The following TNPO3 variants were observed in gnomAD, a reference collection of about 807,000 sequenced individuals.
TNPO3 encodes transportin-3.
A neutral mutation model predicts 122.8 loss-of-function variants in TNPO3; 65 were observed. The ratio of observed to expected loss-of-function variants is 0.53; its 90% CI spans 0.43 to 0.65. TNPO3 has a LOEUF of 0.65. TNPO3 is among the 30% of genes least tolerant of loss of function. TNPO3 has a pLI of 0.00. For missense variants in TNPO3, 850 were observed against 1,136.7 expected (o/e 0.75, Z 3.63); for synonymous variants, 372 against 411.2 (o/e 0.90, Z 1.15).
At chr7:128,967,567 G>A (rs1434323294) in intron 20 of TNPO3, among the ~76,000 whole-genome samples, 175 bp from the exon 21 acceptor site, 1 of 152,230 alleles carries the variant, frequency 6.6e-6, no homozygotes, top group Admixed American at 6.5e-5. Flanking sequence ...AACCCTCTGG[G>A]TTGATGCAGT....
chr7:128,983,632 A>G (rs982754964), intron 13 of TNPO3, among the ~76,000 whole-genome samples: 2 of 152,328 alleles, frequency 1.3e-5, no homozygotes, highest in Middle Eastern at 3.4e-3. Flanking sequence ...TAGCAACCTT[A>G]ACTTAAACAT....
intron 1 of TNPO3, among the ~76,000 whole-genome samples, chr7:129,037,129 T>C (rs1250510522): frequency 6.6e-6 from 1 of 152,210 alleles, no homozygotes; most frequent in Non-Finnish European, 1.5e-5. Flanking sequence ...TTAACACTGA[T>C]TATATAAAGC....
At chr7:129,040,599 C>G (rs545727104) in intron 1 of TNPO3, among the ~76,000 whole-genome samples, 72 of 151,834 alleles carry the variant, frequency 4.7e-4, no homozygotes, top group African/African-American at 1.7e-3. Context: ...AATTACCTCT[C>G]GTTAAAAAAA....
At chr7:128,982,826 T>A (rs1799763358) in intron 13 of TNPO3, among the ~76,000 whole-genome samples, 1 of 152,224 alleles carries the variant, frequency 6.6e-6, no homozygotes, top group Non-Finnish European at 1.5e-5. Context: ...ACAGAATTAT[T>A]TTATCAAGTT....
Position 128,972,467 on chromosome 7 carries a change from T to C in TNPO3, c.2389A>G (p.Arg797Gly). Residue 797 changes from arginine to glycine, a missense_variant, in exon 19 of 23, where the codon AGG becomes GGG. Transcript: ENST00000265388. ...DHRDANCSVM[R>G]FLRDLIHTGV... ...GTATGAATGAGGTCTCGTAGAAACC[T>C]CATGACACTACAATTGGCATCCCGG... 6.2e-7 allele frequency: 1 copy of C among 1,614,142 alleles called. No individual in the cohort carries two copies. Among genetic ancestry groups the C allele is most frequent in the Non-Finnish European group, 8.5e-7 (1 of 1,180,006 alleles).
intron 4 of TNPO3, among the ~76,000 whole-genome samples, chr7:129,008,735 T>G (rs1403215033): frequency 2.0e-5 from 3 of 152,146 alleles, no homozygotes; most frequent in African/African-American, 7.2e-5. Context: ...TGATACTCAT[T>G]CTCTCTCCCC....
chr7:128,974,861 G>GATTT lies in TNPO3; in HGVS notation c.2273+3_2273+6dup, dbSNP rs756128132. ...AATTAAGAAATGGGCTCTTCAGAAG[G>GATTT]ATTTACCTGGTGGCTAGCCGGAACA... On this transcript the variant is annotated splice_region_variant and intron_variant, in intron 18 of 22. Transcript: ENST00000265388. 6.2e-7 allele frequency: 1 copy of GATTT among 1,611,582 alleles called. No individual in the cohort carries two copies. Among genetic ancestry groups the GATTT allele is most frequent in the East Asian group, 2.2e-5 (1 of 44,876 alleles).
chr7:128,996,761 A>G (rs1483288729), intron 8 of TNPO3, among the ~76,000 whole-genome samples: 1 of 151,400 alleles, frequency 6.6e-6, no homozygotes, highest in East Asian at 1.9e-4. Flanking sequence ...AAAAAAAAAA[A>G]AAAAAAAGAG....
At chr7:128,990,196 C>A (rs1207881524) in intron 10 of TNPO3, 96 bp from the exon 11 acceptor site, 1 of 1,351,784 alleles carries the variant, frequency 7.4e-7, no homozygotes, top group Non-Finnish European at 1.1e-6. Context: ...TGCTAAAGGG[C>A]TTCTTTCTAA....
Position 128,964,366 on chromosome 7 carries a change from C to T in TNPO3, c.2711+2914G>A, listed in dbSNP as rs570258369. ...TTTTTTTTTTTTTGAGACGGAGCCT[C>T]GCTCTGTCGCCCAGGCTGGAGTGCA... is the stretch of plus-strand genomic sequence containing the variant. On this transcript the variant is annotated intron_variant, in intron 21 of 22. Transcript: ENST00000265388. Among the ~76,000 whole-genome samples the T allele has an allele frequency of 7.3e-5, 10 of 136,352 alleles. 1 individual carries two copies. Among genetic ancestry groups the T allele is most frequent in the South Asian group, 6.9e-4 (3 of 4,362 alleles). 89.5% of individuals were successfully genotyped at this position (136,352 alleles called of 152,430 possible).
At position 129,015,254 on chromosome 7, in the gene TNPO3, G is replaced by A. The variant is rs186023762; in HGVS notation, c.396-119C>T. On this transcript the variant is annotated intron_variant, in intron 3 of 22. Transcript: ENST00000265388. Reference sequence around the variant, plus strand: ...AGCAACATTCCCACCACTGTTAAGGGGGAGAAAAAAGATACAAACATAAAT... The same window carrying A: ...AGCAACATTCCCACCACTGTTAAGGAGGAGAAAAAAGATACAAACATAAAT... 9.2e-4 allele frequency: 909 copies of A among 984,856 alleles called. 6 individuals carry two copies. The highest frequency in any genetic ancestry group is 4.2e-4 in the Non-Finnish European group (287 of 677,934). The allele number at this position is 984,856 out of a possible 1,614,324, so 61.0% of individuals were successfully genotyped here. A position where few individuals can be genotyped will look rare whatever the true frequency, so the allele number is the denominator to read the frequency against.
At chr7:129,050,406 G>A (rs535458849) in intron 1 of TNPO3, among the ~76,000 whole-genome samples, 8 of 61,058 alleles carry the variant, frequency 1.3e-4, no homozygotes, top group East Asian at 8.9e-4. Flanking sequence ...AAAAAAGGGT[G>A]GGGGGGGAAT....
At chr7:129,013,170 T>C (rs558000300) in intron 4 of TNPO3, among the ~76,000 whole-genome samples, 19 of 152,260 alleles carry the variant, frequency 1.2e-4, no homozygotes, top group African/African-American at 3.8e-4. Context: ...AAATGTAAGA[T>C]GTGAACTATA....
At chr7:129,009,554 T>C (rs1213757419) in intron 4 of TNPO3, among the ~76,000 whole-genome samples, 1 of 152,202 alleles carries the variant, frequency 6.6e-6, no homozygotes, top group Non-Finnish European at 1.5e-5. Context: ...TTCCTCAAAA[T>C]ATCACCTGTG....
At chr7:128,988,714 A>T (rs905738028) in intron 11 of TNPO3, among the ~76,000 whole-genome samples, 1 of 152,252 alleles carries the variant, frequency 6.6e-6, no homozygotes, top group Non-Finnish European at 1.5e-5. Context: ...CAGAAAAGAA[A>T]GCCAAATGTT....
At chr7:128,971,526 T>C (rs1798489267) in intron 19 of TNPO3, among the ~76,000 whole-genome samples, 1 of 152,238 alleles carries the variant, frequency 6.6e-6, no homozygotes, top group African/African-American at 2.4e-5. Context: ...CTTCTAGTTA[T>C]TTTCTTCTCT....
chr7:128,959,904 C>A (rs879469641), intron 21 of TNPO3, among the ~76,000 whole-genome samples: 1 of 152,086 alleles, frequency 6.6e-6, no homozygotes, highest in Non-Finnish European at 1.5e-5. Flanking sequence ...ACCTGTGATC[C>A]CAGCTACTCG....
chr7:128,999,125 C>T (rs1245180270), intron 7 of TNPO3, among the ~76,000 whole-genome samples: 1 of 151,764 alleles, frequency 6.6e-6, no homozygotes, highest in Admixed American at 6.6e-5. Flanking sequence ...TGCTGACAGG[C>T]GTGAGCCACT....
At position 128,962,252 on chromosome 7, in the gene TNPO3, C is replaced by G. The variant is rs190286711; in HGVS notation, c.2712-4937G>C. On this transcript the variant is annotated intron_variant, in intron 21 of 22. Transcript: ENST00000265388. ...CGGTGGCGGGTGCCTGTAGTCCCAG[C>G]TACTCGGGAGGCTGAGGCAGGAGAA... 9.1e-3 allele frequency among the ~76,000 whole-genome samples: 1,375 copies of G among 151,824 alleles called. 6 individuals carry two copies. Among genetic ancestry groups the G allele is most frequent in the Non-Finnish European group, 0.014 (950 of 67,964 alleles).
Sources: gnomAD v4.1 joint callset for allele counts (sites outside exome capture counted in the v4.1 genomes callset) on GRCh38, gnomAD v4.1.1 for gene constraint, MANE v1.5 for transcripts, NCBI Gene and HGNC (gene_info 2026-07-23, HGNC 2026-07-21) for gene names.